MAST4: variants seen among roughly 807,000 people sequenced by gnomAD.
MAST4 encodes the protein microtubule associated serine/threonine kinase family member 4, also known as microtubule-associated serine/threonine-protein kinase 4.
In MAST4, 89 loss-of-function variants were observed where a neutral mutation model predicts 162.7. The ratio of observed to expected loss-of-function variants is 0.55; its 90% CI spans 0.46 to 0.65. MAST4 has a LOEUF of 0.65. Among genes scored for constraint, MAST4 ranks in the 30% least tolerant of loss-of-function variants. The pLI is 0.00. For synonymous variants in MAST4, 1,479 were observed against 1,361.1 expected, an observed-to-expected ratio of 1.09 and a Z score of -1.91; for missense variants, 3,153 against 3,374.0, an observed-to-expected ratio of 0.93 and a Z score of 1.62.
rs72761231 is a variant in MAST4 at position 66,712,145 on chromosome 5, T to C, written c.364-47564T>C. 5.1e-3 allele frequency among the ~76,000 whole-genome samples: 780 copies of C among 152,374 alleles called. 5 individuals carry two copies. The highest frequency in any genetic ancestry group is 6.8e-3 in the Non-Finnish European group (465 of 68,040). ...ATTCTTAGTATTCTTGTGCATGTTG[T>C]TCTGTGACTGTTATACACACCTGCT... On this transcript the variant is annotated intron_variant, in intron 1 of 28. Transcript: ENST00000403625.
At chr5:66,829,693 A>G (rs1400597983) in intron 3 of MAST4, among the ~76,000 whole-genome samples, 1 of 135,694 alleles carries the variant, frequency 7.4e-6, no homozygotes, top group Non-Finnish European at 1.6e-5. Flanking sequence ...TTAAACTCTT[A>G]TATATTATTT....
At chr5:66,621,779 C>T (rs1744092464) in intron 1 of MAST4, among the ~76,000 whole-genome samples, 1 of 152,134 alleles carries the variant, frequency 6.6e-6, no homozygotes, top group Non-Finnish European at 1.5e-5. Flanking sequence ...AGTCCCTGGT[C>T]TCATGGGGTT....
chr5:67,045,079 C>T (rs1039300732), intron 4 of MAST4, among the ~76,000 whole-genome samples: 2 of 152,178 alleles, frequency 1.3e-5, no homozygotes, highest in Admixed American at 6.5e-5. Context: ...TATGTTTGTC[C>T]TCCAAGGTAA....
chr5:66,985,024 G>T (rs1438706955), intron 4 of MAST4, among the ~76,000 whole-genome samples: 1 of 152,194 alleles, frequency 6.6e-6, no homozygotes, highest in Non-Finnish European at 1.5e-5. Flanking sequence ...AAAGTAGGTG[G>T]TGTACAGGGC....
intron 1 of MAST4, among the ~76,000 whole-genome samples, chr5:66,757,379 A>C (rs561389369): frequency 6.6e-6 from 1 of 152,368 alleles, no homozygotes; most frequent in Middle Eastern, 3.4e-3. Context: ...ATTAAATAGT[A>C]GCTGTTATGG....
In MAST4 at chr5:66,828,551, G is replaced by A. The variant is rs556183696; in HGVS notation, c.642+39757G>A. 7.9e-5 allele frequency among the ~76,000 whole-genome samples: 12 copies of A among 152,296 alleles called. No homozygotes were observed. In the East Asian group the frequency reaches 2.3e-3, roughly 29 times the overall value. ...GCCACAGCCAGCATTCTGAAGAAGA[G>A]AAAACAAGGATCTCACGATTTCCTG... On this transcript the variant is annotated intron_variant, in intron 3 of 28. Coordinates refer to ENST00000403625, the MANE Select transcript of MAST4 (RefSeq NM_001164664.2).
chr5:66,704,496 T>TC (rs982796437), intron 1 of MAST4, among the ~76,000 whole-genome samples: 2 of 138,746 alleles, frequency 1.4e-5, no homozygotes, highest in African/African-American at 5.4e-5. Context: ...GTTGTTCTTT[T>TC]TTTTTTTTTT....
intron 1 of MAST4, among the ~76,000 whole-genome samples, chr5:66,615,673 T>C (rs927320861): frequency 6.7e-6 from 1 of 150,110 alleles, no homozygotes; most frequent in Non-Finnish European, 1.5e-5. Flanking sequence ...ATTAGCTGAG[T>C]ATGGTGGTGC....
At chr5:66,984,461 A>AT (rs912576559) in intron 4 of MAST4, among the ~76,000 whole-genome samples, 1 of 152,046 alleles carries the variant, frequency 6.6e-6, no homozygotes, top group African/African-American at 2.4e-5. Context: ...TGATATTTTT[A>AT]TTTTTTTGTT....
intron 4 of MAST4, among the ~76,000 whole-genome samples, chr5:66,907,098 A>G (rs1400770465): frequency 6.6e-6 from 1 of 151,550 alleles, no homozygotes; most frequent in African/African-American, 2.4e-5. Flanking sequence ...TTGTGGACAT[A>G]TAGAAGGGTG....
intron 5 of MAST4, among the ~76,000 whole-genome samples, chr5:67,076,787 T>C (rs1761703430): frequency 6.6e-6 from 1 of 152,174 alleles, no homozygotes; most frequent in Admixed American, 6.5e-5. Context: ...CATTTCATGG[T>C]TCATCATGAC....
At chr5:67,066,762 T>G (rs936912621) in intron 5 of MAST4, among the ~76,000 whole-genome samples, 2 of 152,174 alleles carry the variant, frequency 1.3e-5, no homozygotes, top group Non-Finnish European at 2.9e-5. Flanking sequence ...GTGTTGGCCT[T>G]TTATTGTCTT....
intron 5 of MAST4, among the ~76,000 whole-genome samples, chr5:67,071,521 G>A (rs1045948108): frequency 2.0e-5 from 3 of 151,562 alleles, no homozygotes; most frequent in Non-Finnish European, 2.9e-5. Flanking sequence ...GGAAGGCCAA[G>A]GGGGGGGCGG....
intron 1 of MAST4, among the ~76,000 whole-genome samples, chr5:66,678,038 G>A (rs527415632): frequency 6.6e-6 from 1 of 152,276 alleles, no homozygotes; most frequent in South Asian, 2.1e-4. Context: ...AAGCATTGAA[G>A]AATCTAAAGC....
chr5:66,920,150 A>G (rs961778750), intron 4 of MAST4, among the ~76,000 whole-genome samples: 1 of 152,190 alleles, frequency 6.6e-6, no homozygotes, highest in Non-Finnish European at 1.5e-5. Context: ...CTCAAAAGCC[A>G]AGAGTCAATC....
At chr5:66,675,759 T>C (rs1051154638) in intron 1 of MAST4, among the ~76,000 whole-genome samples, 4 of 152,170 alleles carry the variant, frequency 2.6e-5, no homozygotes, top group Non-Finnish European at 5.9e-5. Context: ...AAGACCTGAA[T>C]CTAACAGAAT....
chr5:66,899,188 G>C (rs1392233446), intron 3 of MAST4, among the ~76,000 whole-genome samples: 2 of 152,138 alleles, frequency 1.3e-5, no homozygotes, highest in Non-Finnish European at 2.9e-5. Flanking sequence ...TGGATAAGAG[G>C]TATTTCTGAA....
At chr5:67,004,606 G>A (rs888553202) in intron 4 of MAST4, 2 of 169,908 alleles carry the variant, frequency 1.2e-5, no homozygotes, top group African/African-American at 4.8e-5. Context: ...CAGAAGCGGC[G>A]AGTGGTATCT....
chr5:66,720,359 A>G (rs926241699), intron 1 of MAST4, among the ~76,000 whole-genome samples: 2 of 152,170 alleles, frequency 1.3e-5, no homozygotes, highest in African/African-American at 4.8e-5. Flanking sequence ...AAAATTTGAT[A>G]GTGTCCCCTG....
Sources: gnomAD v4.1 joint callset for allele counts (sites outside exome capture counted in the v4.1 genomes callset) on GRCh38, gnomAD v4.1.1 for gene constraint, MANE v1.5 for transcripts, NCBI Gene and HGNC (gene_info 2026-07-23, HGNC 2026-07-21) for gene names.